COL25A1: variants seen among roughly 807,000 people sequenced by gnomAD.
COL25A1 encodes the protein collagen alpha-1(XXV) chain.
In COL25A1, 103 loss-of-function variants were observed where a neutral mutation model predicts 128.4. That is an observed-to-expected ratio of 0.80 (90% CI 0.68 to 0.94). COL25A1 has a LOEUF of 0.94. Ranked by LOEUF, COL25A1 falls within the 40% of genes least tolerant of loss-of-function variation. The pLI is 0.00. For synonymous variants in COL25A1, 279 were observed against 277.2 expected (o/e 1.01, Z -0.06); for missense variants, 745 against 840.0 (o/e 0.89, Z 1.40).
rs138144966 is a variant in COL25A1, at chr4:109,158,749, C to T, written c.368-108570G>A. ...AAGCTTGAGACTTTTAAAGAAAATA[C>T]CCTAAGTTATAAAGTTTTAACACTA... On this transcript the variant is annotated intron_variant, in intron 3 of 37. Coordinates refer to ENST00000399132, the MANE Select transcript of COL25A1 (RefSeq NM_198721.4). Among the ~76,000 whole-genome samples the T allele has an allele frequency of 1.7e-3, 254 of 152,262 alleles. 3 individuals are homozygous for T. The highest frequency in any genetic ancestry group is 5.6e-3 in the African/African-American group (234 of 41,554).
chr4:109,158,393 A>T (rs1171389576), intron 3 of COL25A1, among the ~76,000 whole-genome samples: 1 of 152,176 alleles, frequency 6.6e-6, no homozygotes, highest in Non-Finnish European at 1.5e-5. Context: ...AAATACTATT[A>T]AAAAGCTGTA....
At chr4:109,012,251 C>T (rs962588869) in intron 5 of COL25A1, among the ~76,000 whole-genome samples, 1 of 152,260 alleles carries the variant, frequency 6.6e-6, no homozygotes, top group African/African-American at 2.4e-5. Flanking sequence ...CTCCCAAGAA[C>T]CACTTATATG....
In COL25A1 at chr4:109,130,441, G is replaced by GT. The variant is rs751935198; in HGVS notation, c.368-80263dup. 3.5e-3 allele frequency among the ~76,000 whole-genome samples: 535 copies of GT among 152,142 alleles called. 2 individuals are homozygous for GT. Among genetic ancestry groups the GT allele is most frequent in the Non-Finnish European group, 5.5e-3 (376 of 67,976 alleles). On this transcript the variant is annotated intron_variant, in intron 3 of 37. Coordinates refer to ENST00000399132, the MANE Select transcript of COL25A1 (RefSeq NM_198721.4). ...AAGAATGGCACTGAAAAAAAATAAC[G>GT]TAAGAATTCAGCTAGAAAGATAGGA...
chr4:108,886,488 G>GTTTTTTTTTTTTT (rs1413657808), intron 18 of COL25A1, among the ~76,000 whole-genome samples: 5 of 49,424 alleles, frequency 1.0e-4, no homozygotes, highest in Admixed American at 2.8e-4. Flanking sequence ...GTGTGTGTGT[G>GTTTTTTTTTTTTT]TGTGTTTAGC....
intron 3 of COL25A1, among the ~76,000 whole-genome samples, chr4:109,152,741 ACGG>A (rs1205777429): frequency 6.6e-6 from 1 of 152,226 alleles, no homozygotes; most frequent in Non-Finnish European, 1.5e-5. Context: ...TTAAAGACAT[ACGG>A]CTAAGTAAAA....
chr4:109,248,465 AG>A (rs1780428498), intron 3 of COL25A1, among the ~76,000 whole-genome samples: 1 of 152,172 alleles, frequency 6.6e-6, no homozygotes, highest in African/African-American at 2.4e-5. Context: ...AGTGAAGACA[AG>A]GAATCCAGAG....
chr4:108,845,552 G>C lies in COL25A1; in HGVS notation c.1516-301C>G, dbSNP rs374753310. Among the ~76,000 whole-genome samples, 82 of 152,220 alleles carry C rather than the reference G, an allele frequency of 5.4e-4. No individual in the cohort carries two copies. In the South Asian group the frequency reaches 0.017, roughly 31 times the overall value. The stretch of plus-strand genomic sequence containing the variant: ...TTATAAATGTTATATCTTTTATGGT[G>C]GTGCGCAATTTAAACAGCAAAGGTA... On this transcript the variant is annotated intron_variant, in intron 28 of 37. Coordinates refer to ENST00000399132, the MANE Select transcript of COL25A1 (RefSeq NM_198721.4).
intron 3 of COL25A1, among the ~76,000 whole-genome samples, chr4:109,096,722 T>C (rs1481949028): frequency 6.6e-6 from 1 of 152,242 alleles, no homozygotes; most frequent in Non-Finnish European, 1.5e-5. Flanking sequence ...ATAAGTTCAA[T>C]TTCTATTTTT....
chr4:108,871,351 A>T (rs1738681806), intron 19 of COL25A1, among the ~76,000 whole-genome samples: 2 of 152,142 alleles, frequency 1.3e-5, no homozygotes, highest in Admixed American at 1.3e-4. Context: ...ACGGAGTCTC[A>T]GTCGCCCAGG....
At chr4:108,823,677 T>C (rs1901681) in intron 35 of COL25A1, among the ~76,000 whole-genome samples, 152,143 of 152,226 alleles carry the variant, frequency 1, 76,030 homozygotes, top group Middle Eastern at 1. Context: ...CCTAGTCCTG[T>C]GTAGTGAACT....
intron 19 of COL25A1, among the ~76,000 whole-genome samples, chr4:108,881,359 G>A (rs1168665448): frequency 1.3e-5 from 2 of 152,102 alleles, no homozygotes; most frequent in Admixed American, 6.6e-5. Context: ...GTGAATCAAA[G>A]CTTCCCTGGT....
intron 8 of COL25A1, chr4:108,942,101 A>G (rs1748179399): frequency 9.4e-7 from 1 of 1,062,204 alleles, no homozygotes; most frequent in South Asian, 1.4e-5. Flanking sequence ...AACTTGATAT[A>G]TACCATGAGA....
intron 3 of COL25A1, among the ~76,000 whole-genome samples, chr4:109,264,235 C>T (rs1380576153): frequency 2.6e-5 from 4 of 152,064 alleles, no homozygotes; most frequent in Admixed American, 1.3e-4. Flanking sequence ...GAAAATAGTG[C>T]GACCAGGAGA....
intron 11 of COL25A1, among the ~76,000 whole-genome samples, chr4:108,922,742 C>G (rs1447814848): frequency 6.6e-6 from 1 of 152,054 alleles, no homozygotes; most frequent in East Asian, 1.9e-4. Flanking sequence ...CAATATTTTC[C>G]TTTACTGTTA....
chr4:109,221,993 A>G (rs1778450103), intron 3 of COL25A1, among the ~76,000 whole-genome samples: 1 of 152,068 alleles, frequency 6.6e-6, no homozygotes, highest in African/African-American at 2.4e-5. Flanking sequence ...TTTCAGAGAA[A>G]CTAACAAAAT....
chr4:109,054,112 C>T (rs1237257352), intron 3 of COL25A1, among the ~76,000 whole-genome samples: 2 of 152,194 alleles, frequency 1.3e-5, no homozygotes, highest in South Asian at 2.1e-4. Flanking sequence ...TTAGCTCCCA[C>T]TTTTACTTTC....
intron 5 of COL25A1, among the ~76,000 whole-genome samples, chr4:109,021,200 G>A (rs1256217641): frequency 6.6e-6 from 1 of 152,246 alleles, no homozygotes; most frequent in South Asian, 2.1e-4. Flanking sequence ...CCTGTTTCTG[G>A]TGAGAAGAAG....
intron 13 of COL25A1, among the ~76,000 whole-genome samples, chr4:108,904,356 T>C (rs770059045): frequency 2.6e-5 from 4 of 152,124 alleles, no homozygotes; most frequent in Admixed American, 2.6e-4. Context: ...TGGCATCTAA[T>C]TGAGTTCATG....
intron 3 of COL25A1, among the ~76,000 whole-genome samples, chr4:109,138,561 C>G (rs961058204): frequency 6.6e-6 from 1 of 152,238 alleles, no homozygotes; most frequent in Admixed American, 6.5e-5. Flanking sequence ...GGAATTGCCA[C>G]ACTGTCTTCC....
Sources: gnomAD v4.1 joint callset for allele counts (sites outside exome capture counted in the v4.1 genomes callset) on GRCh38, gnomAD v4.1.1 for gene constraint, MANE v1.5 for transcripts, NCBI Gene and HGNC (gene_info 2026-07-23, HGNC 2026-07-21) for gene names.